The following CLASP1 variants were observed in gnomAD, a reference collection of about 807,000 sequenced individuals.
The protein encoded by CLASP1 is CLIP-associating protein 1.
A neutral mutation model predicts 192.3 loss-of-function variants in CLASP1; 38 were observed. The observed-to-expected ratio is 0.20, with a 90% CI of 0.15 to 0.26. CLASP1 has a LOEUF of 0.26. Ranked by LOEUF, CLASP1 falls within the 10% of genes least tolerant of loss-of-function variation. The pLI, the probability that CLASP1 is intolerant of heterozygous loss-of-function variation, is 1.00. For missense variants in CLASP1, 1,433 were observed against 1,932.5 expected, an observed-to-expected ratio of 0.74 and a Z score of 4.85; for synonymous variants, 691 against 712.8, an observed-to-expected ratio of 0.97 and a Z score of 0.49.
intron 7 of CLASP1, among the ~76,000 whole-genome samples, chr2:121,514,713 T>A (rs745972337): frequency 6.6e-6 from 1 of 152,218 alleles, no homozygotes; most frequent in Admixed American, 6.5e-5. Context: ...ACTGCCGTCA[T>A]GTTTGCCTTA....
intron 8 of CLASP1, among the ~76,000 whole-genome samples, chr2:121,493,488 A>T (rs1303637466): frequency 1.3e-5 from 2 of 152,190 alleles, no homozygotes; most frequent in South Asian, 4.1e-4. Context: ...TCACCACAAA[A>T]ATCAAATCAA....
intron 1 of CLASP1, among the ~76,000 whole-genome samples, chr2:121,615,922 T>C (rs1020296158): frequency 6.6e-6 from 1 of 152,262 alleles, no homozygotes; most frequent in East Asian, 1.9e-4. Flanking sequence ...AAGTTTGTGT[T>C]CTTTTCACTA....
At chr2:121,397,592 G>A (rs145316793) in intron 29 of CLASP1, among the ~76,000 whole-genome samples, 32 of 152,284 alleles carry the variant, frequency 2.1e-4, no homozygotes, top group Admixed American at 9.2e-4. Context: ...AGAGGGGCCC[G>A]TGGGATTTCC....
intron 7 of CLASP1, among the ~76,000 whole-genome samples, chr2:121,513,953 A>G (rs1173981420): frequency 1.3e-5 from 2 of 152,240 alleles, no homozygotes; most frequent in Admixed American, 1.3e-4. Flanking sequence ...TGTGCTGTGC[A>G]GTTTGACACA....
At chr2:121,433,859 T>C (rs1303969830) in intron 19 of CLASP1, among the ~76,000 whole-genome samples, 5 of 152,232 alleles carry the variant, frequency 3.3e-5, no homozygotes, top group Non-Finnish European at 5.9e-5. Context: ...ACTAGCTGCA[T>C]AAAACCAGTG....
chr2:121,417,455 A>G (rs976187130), intron 23 of CLASP1, among the ~76,000 whole-genome samples: 1 of 84,806 alleles, frequency 1.2e-5, no homozygotes, highest in Non-Finnish European at 2.0e-5. Flanking sequence ...GTTCATTCAG[A>G]AAAAAAAAAA....
chr2:121,391,895 C>CT (rs1559007417), intron 30 of CLASP1, among the ~76,000 whole-genome samples: 3 of 152,204 alleles, frequency 2.0e-5, no homozygotes, highest in Non-Finnish European at 2.9e-5. Context: ...CAGAGCGAGA[C>CT]TGTCTCAACA....
At chr2:121,447,158 G>C (rs1375632558) in intron 19 of CLASP1, among the ~76,000 whole-genome samples, 179 bp downstream of exon 19, 1 of 152,124 alleles carries the variant, frequency 6.6e-6, no homozygotes, top group Admixed American at 6.5e-5. Flanking sequence ...TCGAAGAAAG[G>C]GACACTCAAC....
intron 30 of CLASP1, among the ~76,000 whole-genome samples, chr2:121,389,042 T>C (rs2073863590): frequency 6.6e-6 from 1 of 152,182 alleles, no homozygotes; most frequent in Admixed American, 6.5e-5. Context: ...AGGACAAAAT[T>C]ACTATTTTGT....
chr2:121,473,320 T>C (rs900214688), intron 8 of CLASP1, among the ~76,000 whole-genome samples: 6 of 152,122 alleles, frequency 3.9e-5, no homozygotes, highest in African/African-American at 1.2e-4. Context: ...AAATGAAAAT[T>C]TCACTGATTG....
At chr2:121,531,878 GAAAA>G (rs1335443822) in intron 2 of CLASP1, among the ~76,000 whole-genome samples, 1 of 147,750 alleles carries the variant, frequency 6.8e-6, no homozygotes, top group Non-Finnish European at 1.5e-5. Context: ...AAAAAAAAAA[GAAAA>G]AGAAATGTGA....
intron 5 of CLASP1, 45 bp downstream of exon 5, chr2:121,527,754 A>T (rs760590628): frequency 3.1e-5 from 44 of 1,432,404 alleles, no homozygotes; most frequent in African/African-American, 2.3e-4. Flanking sequence ...AAAAAGTTTT[A>T]AAAAATTCAG....
exon 25 of CLASP1, chr2:121,407,653 A>G (rs2077108497): frequency 1.2e-5 from 19 of 1,613,970 alleles, no homozygotes; most frequent in Non-Finnish European, 1.5e-5. Flanking sequence ...TTGAGGCATC[A>G]CTGTTGGCAT....
chr2:121,463,269 G>T (rs534945511), intron 9 of CLASP1, among the ~76,000 whole-genome samples: 2 of 152,180 alleles, frequency 1.3e-5, no homozygotes, highest in South Asian at 2.1e-4. Context: ...GTAAAAATTG[G>T]TATCTATAGT....
At position 121,520,399 on chromosome 2, in the gene CLASP1, G is replaced by A. The variant is rs576996098; in HGVS notation, c.547-4637C>T. Among the ~76,000 whole-genome samples the A allele has an allele frequency of 8.5e-4, 130 of 152,282 alleles. 1 individual carries two copies. The highest frequency in any genetic ancestry group is 1.3e-3 in the Non-Finnish European group (91 of 68,022). ...AGCCCCACAGCCAGTGCCTTGGAGC[G>A]TGGGTACCCCAGCACCCCAGCACAG... On this transcript the variant is annotated intron_variant, in intron 6 of 39. Coordinates refer to ENST00000263710, the Ensembl canonical transcript of CLASP1.
At chr2:121,431,637 TA>T (rs1437657287) in intron 19 of CLASP1, among the ~76,000 whole-genome samples, 1 of 152,120 alleles carries the variant, frequency 6.6e-6, no homozygotes, top group Non-Finnish European at 1.5e-5. Context: ...TGAACATGTA[TA>T]CTCATTTAGC....
intron 1 of CLASP1, among the ~76,000 whole-genome samples, chr2:121,607,536 C>T (rs1043002547): frequency 1.3e-5 from 2 of 152,152 alleles, no homozygotes; most frequent in South Asian, 2.1e-4. Context: ...TAAGCTCTCT[C>T]GTTAACCTAT....
chr2:121,344,497 A>C (rs2063199176), intron 39 of CLASP1, among the ~76,000 whole-genome samples: 1 of 151,556 alleles, frequency 6.6e-6, no homozygotes, highest in Admixed American at 6.6e-5. Flanking sequence ...ACACCCACTT[A>C]ATTTTGTATT....
intron 2 of CLASP1, among the ~76,000 whole-genome samples, chr2:121,601,543 T>A (rs1163868249): frequency 6.6e-6 from 1 of 152,186 alleles, no homozygotes; most frequent in African/African-American, 2.4e-5. Context: ...GTGCTGGGAT[T>A]ACAGGCATGA....
Sources: allele counts gnomAD v4.1 joint callset (sites outside exome capture counted in the v4.1 genomes callset), GRCh38; gene constraint gnomAD v4.1.1; transcripts MANE v1.5; gene names NCBI Gene and HGNC (gene_info 2026-07-23, HGNC 2026-07-21).